Variants in MBD5 observed in about 807,000 individuals in gnomAD.
MBD5 encodes methyl-CpG-binding domain protein 5.
A neutral mutation model predicts 117.3 loss-of-function variants in MBD5; 13 were observed. The observed-to-expected ratio is 0.11, with a 90% confidence interval of 0.07 to 0.18. MBD5 has a LOEUF of 0.18. Ranked by LOEUF, MBD5 falls within the 10% of genes least tolerant of loss-of-function variation. The pLI is 1.00. For missense variants in MBD5, 1,879 were observed against 2,093.8 expected (o/e 0.90, Z 2.00); for synonymous variants, 727 against 766.4 (o/e 0.95, Z 0.85).
At chr2:148,162,969 A>C (rs901740223) in intron 1 of MBD5, among the ~76,000 whole-genome samples, 1 of 152,216 alleles carries the variant, frequency 6.6e-6, no homozygotes, top group Non-Finnish European at 1.5e-5. Flanking sequence ...CCTTGATACT[A>C]AAAGTAAGTT....
At chr2:148,102,763 A>AGAG (rs1558926614) in intron 1 of MBD5, among the ~76,000 whole-genome samples, 1 of 35,606 alleles carries the variant, frequency 2.8e-5, no homozygotes, top group Non-Finnish European at 7.4e-5. Context: ...GAGAGAGAGG[A>AGAG]AGAGAGAGAG....
intron 4 of MBD5, among the ~76,000 whole-genome samples, chr2:148,421,906 C>T (rs1255312201): frequency 6.6e-6 from 1 of 152,238 alleles, no homozygotes; most frequent in Non-Finnish European, 1.5e-5. Context: ...GGCAGGGCAT[C>T]TCTGAAAGAA....
intron 3 of MBD5, among the ~76,000 whole-genome samples, chr2:148,267,966 T>C (rs78008262): frequency 6.6e-6 from 1 of 150,940 alleles, no homozygotes; most frequent in African/African-American, 2.4e-5. Flanking sequence ...TTTTTTTTTT[T>C]TGAGACAGGT....
intron 1 of MBD5, among the ~76,000 whole-genome samples, chr2:148,171,960 A>G (rs1698273587): frequency 6.6e-6 from 1 of 152,222 alleles, no homozygotes; most frequent in African/African-American, 2.4e-5. Flanking sequence ...ATCACTTGAC[A>G]CCAGGAGTTC....
intron 3 of MBD5, among the ~76,000 whole-genome samples, chr2:148,276,004 T>A (rs548650548): frequency 3.3e-4 from 50 of 152,300 alleles, no homozygotes; most frequent in African/African-American, 1.1e-3. Flanking sequence ...ATATTTATAT[T>A]TTTGTTTTGA....
At chr2:148,507,627 C>T (rs541612705) in intron 12 of MBD5, among the ~76,000 whole-genome samples, 19 of 152,104 alleles carry the variant, frequency 1.2e-4, no homozygotes, top group African/African-American at 4.1e-4. Flanking sequence ...GGCGCGGTGG[C>T]GGGTGCCTGT....
intron 12 of MBD5, among the ~76,000 whole-genome samples, chr2:148,508,701 A>G (rs1682119997): frequency 6.6e-6 from 1 of 152,352 alleles, no homozygotes; most frequent in East Asian, 1.9e-4. Context: ...GGTTGATGCC[A>G]TATTCCCCTT....
intron 2 of MBD5, among the ~76,000 whole-genome samples, chr2:148,212,758 G>T (rs934743220): frequency 1.4e-4 from 21 of 152,104 alleles, no homozygotes; most frequent in Non-Finnish European, 2.9e-4. Flanking sequence ...GTCATCTCTA[G>T]AGGAAAATTT....
At chr2:148,465,126 G>A (rs946814095) in intron 7 of MBD5, among the ~76,000 whole-genome samples, 1 of 152,068 alleles carries the variant, frequency 6.6e-6, no homozygotes, top group Non-Finnish European at 1.5e-5. Context: ...AACTTTGCAC[G>A]ATGTTCCTCA....
chr2:148,123,880 A>G (rs1217040001), intron 1 of MBD5, among the ~76,000 whole-genome samples: 2 of 152,250 alleles, frequency 1.3e-5, no homozygotes, highest in African/African-American at 4.8e-5. Flanking sequence ...CAAAGGATCA[A>G]AAAAGACAAA....
chr2:148,305,687 G>GT (rs1701874887), intron 3 of MBD5, among the ~76,000 whole-genome samples: 1 of 152,210 alleles, frequency 6.6e-6, no homozygotes, highest in African/African-American at 2.4e-5. Context: ...ATGTCAAGTT[G>GT]TCCAGCCTCA....
chr2:148,323,800 C>A (rs1411653453), intron 3 of MBD5, among the ~76,000 whole-genome samples: 1 of 152,096 alleles, frequency 6.6e-6, no homozygotes, highest in South Asian at 2.1e-4. Flanking sequence ...GTTGCCTGTT[C>A]ACTCTGATGG....
intron 4 of MBD5, among the ~76,000 whole-genome samples, chr2:148,349,663 GC>G (rs1424391908): frequency 6.6e-6 from 1 of 151,902 alleles, no homozygotes; most frequent in Non-Finnish European, 1.5e-5. Context: ...TTTCAAAATA[GC>G]CACACTAACC....
At position 148,102,727 on chromosome 2, in the gene MBD5, CACAGAG is replaced by C. The variant is rs1464772134; in HGVS notation, c.-924-75971_-924-75966del. 9.2e-3 allele frequency among the ~76,000 whole-genome samples: 581 copies of C among 62,844 alleles called. 2 individuals are homozygous for C. Among genetic ancestry groups the C allele is most frequent in the African/African-American group, 0.025 (480 of 19,282 alleles). The allele number at this position is 62,844 out of a possible 152,430, so 41.2% of individuals were successfully genotyped here. ...ACACACACACACACACACACACACA[CACAGAG>C]AGAGAGAGAGAGAGAGAGAGAGAGA... On this transcript the variant is annotated intron_variant, in intron 1 of 13. Transcript: ENST00000642680.
At chr2:148,393,946 TGAAAA>T (rs1208940043) in intron 4 of MBD5, among the ~76,000 whole-genome samples, 1 of 152,168 alleles carries the variant, frequency 6.6e-6, no homozygotes, top group East Asian at 1.9e-4. Context: ...AATTTTGAAT[TGAAAA>T]GAAAAGGTTA....
At chr2:148,026,883 CTG>C (rs1221008702) in intron 1 of MBD5, 2 of 152,148 alleles carry the variant, frequency 1.3e-5, no homozygotes, top group Non-Finnish European at 2.9e-5. Context: ...CCACTGGACT[CTG>C]TGCTGAGCAA....
chr2:148,058,666 CTAACA>C (rs1015974562), intron 1 of MBD5, among the ~76,000 whole-genome samples: 3 of 152,004 alleles, frequency 2.0e-5, no homozygotes, highest in African/African-American at 4.8e-5. Context: ...ATTCTATCTC[CTAACA>C]TATTTTTCCA....
intron 2 of MBD5, among the ~76,000 whole-genome samples, chr2:148,199,632 A>T (rs562528009): frequency 1.4e-4 from 22 of 151,976 alleles, no homozygotes; most frequent in African/African-American, 5.3e-4. Flanking sequence ...TGTGGCTTAT[A>T]CCTGTGGTCC....
Position 148,271,759 on chromosome 2 carries a change from A to G in MBD5, c.-680+38364A>G, listed in dbSNP as rs533455896. Among the ~76,000 whole-genome samples, 4 of 150,744 alleles carry G rather than the reference A, an allele frequency of 2.7e-5. No individual in the cohort carries two copies. In the East Asian group the frequency reaches 5.8e-4, roughly 22 times the overall value. ...CTAAATCAAGCTAGTTAGCATATGC[A>G]TTACCTCCATTTTTACCATTTTTTG... is the stretch of plus-strand genomic sequence containing the variant. On this transcript the variant is annotated intron_variant, in intron 3 of 13. Coordinates refer to ENST00000642680, the MANE Select transcript of MBD5 (RefSeq NM_001378120.1).
Sources: gnomAD v4.1 joint callset for allele counts (sites outside exome capture counted in the v4.1 genomes callset) on GRCh38, gnomAD v4.1.1 for gene constraint, MANE v1.5 for transcripts, NCBI Gene and HGNC (gene_info 2026-07-23, HGNC 2026-07-21) for gene names.